Variants in FRRS1 observed in about 807,000 individuals in gnomAD.
The protein encoded by FRRS1 is ferric reductase 1.
Under a neutral mutation model 70.7 loss-of-function variants are expected in FRRS1, and 51 were observed. The ratio of observed to expected loss-of-function variants is 0.72; its 90% confidence interval spans 0.58 to 0.91. The LOEUF (loss-of-function observed/expected upper bound fraction) is 0.91, where lower values mean the gene tolerates loss of function less well. Among genes scored for constraint, FRRS1 ranks in the 40% least tolerant of loss-of-function variants. FRRS1 has a pLI of 0.00. For missense variants in FRRS1, 672 were observed against 726.0 expected, an observed-to-expected ratio of 0.93 and a Z score of 0.86; for synonymous variants, 225 against 238.7, an observed-to-expected ratio of 0.94 and a Z score of 0.53.
chr1:99,758,701 G>A (rs557317698), intron 1 of FRRS1, among the ~76,000 whole-genome samples: 21 of 152,268 alleles, frequency 1.4e-4, no homozygotes, highest in Non-Finnish European at 3.1e-4. Flanking sequence ...CATAAGGTCT[G>A]ACTGCCTGCG....
At chr1:99,761,312 G>C (rs1657103555) in intron 1 of FRRS1, among the ~76,000 whole-genome samples, 1 of 151,916 alleles carries the variant, frequency 6.6e-6, no homozygotes, top group African/African-American at 2.4e-5. Context: ...TTTTTTTGTA[G>C]AGACAGGGTC....
chr1:99,743,629 A>G (rs1194015000), intron 4 of FRRS1, among the ~76,000 whole-genome samples: 2 of 152,224 alleles, frequency 1.3e-5, no homozygotes, highest in Non-Finnish European at 2.9e-5. Context: ...AGACATATAA[A>G]CAAATGTAAA....
At position 99,742,178 on chromosome 1, in the gene FRRS1, C is replaced by A. The variant is rs778053268; in HGVS notation, c.428+1G>T. 6.3e-7 allele frequency: 1 copy of A among 1,587,558 alleles called. No homozygotes were observed. The highest frequency in any genetic ancestry group is 1.7e-5 in the Admixed American group (1 of 59,976). On this transcript the variant is annotated splice_donor_variant, in intron 5 of 16. Transcript: ENST00000646001. LOFTEE classifies it high-confidence loss of function. ...CCAGAATTATAAACTCTTATACTCA[C>A]AGAAACTGTGTGTGATTTGGAGCAC...
In FRRS1 at chr1:99,705,528, C is replaced by T. The variant is rs1024360819; in HGVS notation, c.*3500G>A. ...TAAATAGAATTTCAGCCAAACACTA[C>T]ATGTGCCCTGAGAGCTTCCTAGTTG... On this transcript the variant is annotated 3_prime_UTR_variant, in exon 17 of 17. Transcript: ENST00000646001. Among the ~76,000 whole-genome samples, 2 of 152,192 alleles carry T rather than the reference C, an allele frequency of 1.3e-5. No homozygotes were observed. Among genetic ancestry groups the T allele is most frequent in the African/African-American group, 4.8e-5 (2 of 41,444 alleles).
intron 11 of FRRS1, 110 bp from the exon 12 acceptor site, chr1:99,715,782 T>A: frequency 1.5e-6 from 1 of 657,522 alleles, no homozygotes; most frequent in East Asian, 2.7e-5. Flanking sequence ...ACTGAAGGCA[T>A]GCATTCAACT....
At chr1:99,722,687 T>C (rs996561918) in intron 9 of FRRS1, among the ~76,000 whole-genome samples, 2 of 152,164 alleles carry the variant, frequency 1.3e-5, no homozygotes, top group Admixed American at 6.5e-5. Flanking sequence ...AACAAAAGAA[T>C]ATTTCCTCAA....
At position 99,706,854 on chromosome 1, in the gene FRRS1, T is replaced by C. The variant is rs923165819; in HGVS notation, c.*2174A>G. Among the ~76,000 whole-genome samples, 2 of 151,348 alleles carry C rather than the reference T, an allele frequency of 1.3e-5. No homozygotes were observed. The highest frequency in any genetic ancestry group is 4.9e-5 in the African/African-American group (2 of 41,012). ...CTGCAGTGAGCCAACATTGCACCACTGCACTCCAGCCTAGACAACAGAGTG... is the reference window on the plus strand; with the variant it reads ...CTGCAGTGAGCCAACATTGCACCACCGCACTCCAGCCTAGACAACAGAGTG... On this transcript the variant is annotated 3_prime_UTR_variant, in exon 17 of 17. Transcript: ENST00000646001.
At chr1:99,743,168 T>G (rs1347447190) in intron 4 of FRRS1, among the ~76,000 whole-genome samples, 1 of 152,174 alleles carries the variant, frequency 6.6e-6, no homozygotes. Flanking sequence ...TAAAAACATA[T>G]TGCACATAAA....
chr1:99,757,094 G>C (rs1164758316), intron 1 of FRRS1, among the ~76,000 whole-genome samples: 2 of 142,372 alleles, frequency 1.4e-5, no homozygotes, highest in Admixed American at 1.4e-4. Flanking sequence ...TTTTTTTTTT[G>C]CAATATATAG....
rs386367804 is a variant in FRRS1, at chr1:99,706,891, C to CAA, written c.*2135_*2136dup. Among the ~76,000 whole-genome samples the CAA allele has an allele frequency of 1.3e-4, 16 of 123,564 alleles. No homozygotes were observed. The highest frequency in any genetic ancestry group is 4.2e-4 in the African/African-American group (16 of 37,872). The allele number at this position is 123,564 out of a possible 152,430, so 81.1% of individuals were successfully genotyped here. On this transcript the variant is annotated 3_prime_UTR_variant, in exon 17 of 17. Transcript: ENST00000646001. Reference sequence around the variant, plus strand: ...TAGACAACAGAGTGAGACTTTGTCACAAAAAAAAAAAAGAGAGAATTTTTC... The same window carrying CAA: ...TAGACAACAGAGTGAGACTTTGTCACAAAAAAAAAAAAAAGAGAGAATTTTTC...
chr1:99,724,618 A>G (rs944408203), intron 9 of FRRS1, among the ~76,000 whole-genome samples: 7 of 152,218 alleles, frequency 4.6e-5, no homozygotes, highest in Non-Finnish European at 1.0e-4. Context: ...GCAGATTTCA[A>G]TTTATAAATG....
Position 99,708,742 on chromosome 1 carries a change from T to C in FRRS1, c.*286A>G. On this transcript the variant is annotated 3_prime_UTR_variant, in exon 17 of 17. Transcript: ENST00000646001. ...CTATTTATTTTCTTAAATACCAACA[T>C]TCTTAAAATCTTGGCATGAAATATT... is the stretch of plus-strand genomic sequence containing the variant. 1 of 515,648 alleles carries C rather than the reference T, an allele frequency of 1.9e-6. No homozygotes were observed. The highest frequency in any genetic ancestry group is 3.4e-6 in the Non-Finnish European group (1 of 294,908). The allele number at this position is 515,648 out of a possible 1,614,324, so 31.9% of individuals were successfully genotyped here.
chr1:99,737,957 G>A (rs936078914), intron 7 of FRRS1, 129 bp downstream of exon 7: 14 of 678,522 alleles, frequency 2.1e-5, no homozygotes, highest in Non-Finnish European at 3.2e-5. Context: ...CGGCCAGGCT[G>A]GTCTTGAACT....
intron 1 of FRRS1, among the ~76,000 whole-genome samples, chr1:99,761,023 A>G (rs1022027796): frequency 1.3e-5 from 2 of 152,186 alleles, no homozygotes; most frequent in African/African-American, 4.8e-5. Context: ...AGGAAGAAAA[A>G]AACACTGGGA....
rs767465531 is a variant in FRRS1, at chr1:99,747,386, G to A, written c.241C>T (p.Arg81Cys). 6.8e-6 allele frequency: 11 copies of A among 1,613,360 alleles called. No individual in the cohort carries two copies. The East Asian group carries it at 1.1e-4, about 16-fold the overall frequency. Reference sequence around the variant, plus strand: ...GGGCCATTCAGATCCTCAGCATTACGCGCTTCTAGGAGAAAGCCTTTAAAT... The same window carrying A: ...GGGCCATTCAGATCCTCAGCATTACACGCTTCTAGGAGAAAGCCTTTAAAT... ...HPFKGFLLEA[R>C]NAEDLNGPPI... The change falls in exon 4 of 17, where the codon CGT becomes TGT. Residue 81 changes from arginine to cysteine, a missense_variant. Coordinates refer to ENST00000646001, the MANE Select transcript of FRRS1 (RefSeq NM_001361041.2).
At chr1:99,751,912 AATT>A (rs1401030802) in intron 1 of FRRS1, among the ~76,000 whole-genome samples, 1 of 152,220 alleles carries the variant, frequency 6.6e-6, no homozygotes, top group Non-Finnish European at 1.5e-5. Context: ...TAATACATAT[AATT>A]ATTTTTATAT....
At chr1:99,728,451 G>A (rs1278188863) in intron 9 of FRRS1, 42 bp downstream of exon 9, 2 of 1,476,588 alleles carry the variant, frequency 1.4e-6, no homozygotes, top group African/African-American at 1.4e-5. Flanking sequence ...GGGAAGAAGA[G>A]AGAAAAAGAC....
At chr1:99,744,068 A>AAAC (rs1316375693) in intron 4 of FRRS1, among the ~76,000 whole-genome samples, 1 of 143,854 alleles carries the variant, frequency 7.0e-6, no homozygotes, top group Non-Finnish European at 1.5e-5. Context: ...CGATTGTAAA[A>AAAC]AAAAAAAAAA....
intron 9 of FRRS1, among the ~76,000 whole-genome samples, chr1:99,722,884 C>T (rs1654904232): frequency 6.6e-6 from 1 of 152,056 alleles, no homozygotes; most frequent in African/African-American, 2.4e-5. Context: ...TATTAACCTG[C>T]CATTATTTGC....
Sources: allele counts gnomAD v4.1 joint callset (sites outside exome capture counted in the v4.1 genomes callset), GRCh38; gene constraint gnomAD v4.1.1; transcripts MANE v1.5; gene names NCBI Gene and HGNC (gene_info 2026-07-23, HGNC 2026-07-21).